FMNL2: variants seen among roughly 807,000 people sequenced by gnomAD.
FMNL2 encodes the protein formin like 2.
FMNL2 carries 51 observed loss-of-function variants against 130.2 expected under a neutral mutation model. The observed-to-expected ratio is 0.39, with a 90% CI of 0.31 to 0.49. The LOEUF (loss-of-function observed/expected upper bound fraction) is 0.49. FMNL2 is among the 20% of genes least tolerant of loss of function. The pLI is 0.85. For synonymous variants in FMNL2, 465 were observed against 467.1 expected, an observed-to-expected ratio of 1.00 and a Z score of 0.06; for missense variants, 977 against 1,316.2, an observed-to-expected ratio of 0.74 and a Z score of 3.99.
intron 1 of FMNL2, among the ~76,000 whole-genome samples, chr2:152,506,900 G>A (rs4146259): frequency 0.46 from 70,240 of 152,058 alleles, 17,105 homozygotes; most frequent in East Asian, 0.72. Flanking sequence ...GTGTAGCTAT[G>A]GGGCACTGCA....
chr2:152,464,475 CT>C (rs1338887473), intron 1 of FMNL2, among the ~76,000 whole-genome samples: 1 of 152,210 alleles, frequency 6.6e-6, no homozygotes, highest in African/African-American at 2.4e-5. Context: ...ATGTACCCCC[CT>C]GATGGACTGA....
chr2:152,478,531 C>T (rs921985900), intron 1 of FMNL2, among the ~76,000 whole-genome samples: 1 of 151,914 alleles, frequency 6.6e-6, no homozygotes, highest in Admixed American at 6.6e-5. Flanking sequence ...CTACTGTGCC[C>T]GGCCTGAAAA....
At chr2:152,498,081 A>G (rs769272160) in intron 1 of FMNL2, among the ~76,000 whole-genome samples, 1 of 152,194 alleles carries the variant, frequency 6.6e-6, no homozygotes, top group African/African-American at 2.4e-5. Context: ...CCCACCCAGG[A>G]TAATCCCCTT....
At chr2:152,582,974 A>AT (rs1558982463) in intron 9 of FMNL2, among the ~76,000 whole-genome samples, 1 of 152,120 alleles carries the variant, frequency 6.6e-6, no homozygotes, top group Non-Finnish European at 1.5e-5. Flanking sequence ...GAATGATAAT[A>AT]TTTTTTTCTC....
intron 1 of FMNL2, among the ~76,000 whole-genome samples, chr2:152,518,381 G>C (rs1427160453): frequency 6.6e-6 from 1 of 152,196 alleles, no homozygotes; most frequent in Non-Finnish European, 1.5e-5. Context: ...ATGTATTGAT[G>C]TTGCACTGCT....
chr2:152,347,608 G>C (rs1489375065), intron 1 of FMNL2, among the ~76,000 whole-genome samples: 1 of 151,960 alleles, frequency 6.6e-6, no homozygotes, highest in Non-Finnish European at 1.5e-5. Flanking sequence ...GGATATGTAG[G>C]TACAAAATTT....
chr2:152,488,664 A>T (rs1037550855), intron 1 of FMNL2, among the ~76,000 whole-genome samples: 1 of 152,330 alleles, frequency 6.6e-6, no homozygotes, highest in South Asian at 2.1e-4. Context: ...ACACATATAT[A>T]TTTAAAATCA....
At chr2:152,637,153 AG>A (rs925606654) in intron 22 of FMNL2, among the ~76,000 whole-genome samples, 10 of 152,318 alleles carry the variant, frequency 6.6e-5, no homozygotes, top group South Asian at 2.1e-4. Context: ...AGGCTGTCAT[AG>A]GGAGTGTTGA....
intron 1 of FMNL2, among the ~76,000 whole-genome samples, chr2:152,500,405 A>G (rs553307055): frequency 6.6e-6 from 1 of 152,292 alleles, no homozygotes; most frequent in African/African-American, 2.4e-5. Context: ...GCCCCCCAGC[A>G]CCTGATTAAT....
intron 1 of FMNL2, among the ~76,000 whole-genome samples, chr2:152,365,493 C>T (rs568959767): frequency 5.9e-5 from 9 of 152,190 alleles, no homozygotes; most frequent in South Asian, 4.2e-4. Context: ...CTGCCATGAC[C>T]GGGCGTGGTG....
intron 1 of FMNL2, among the ~76,000 whole-genome samples, chr2:152,413,233 G>A (rs890895268): frequency 6.6e-5 from 10 of 152,028 alleles, no homozygotes; most frequent in Admixed American, 5.9e-4. Flanking sequence ...AGAAATTAGT[G>A]TATTTATTCA....
At chr2:152,337,979 T>C (rs1416123358) in intron 1 of FMNL2, among the ~76,000 whole-genome samples, 1 of 151,496 alleles carries the variant, frequency 6.6e-6, no homozygotes, top group African/African-American at 2.4e-5. Context: ...CCAGATCATC[T>C]CCGTGGGCCA....
chr2:152,482,211 A>G lies in FMNL2; in HGVS notation c.118-39732A>G, dbSNP rs115153279. The stretch of plus-strand genomic sequence containing the variant: ...AGAAATACAAAGCCTTAGCATGTGT[A>G]CTTAAATTAAAAAATACTTAAGTCT... On this transcript the variant is annotated intron_variant, in intron 1 of 25. Transcript: ENST00000288670. Among the ~76,000 whole-genome samples, 1,392 of 152,340 alleles carry G rather than the reference A, an allele frequency of 9.1e-3. 26 individuals are homozygous for G. The highest frequency in any genetic ancestry group is 0.032 in the African/African-American group (1,310 of 41,568).
chr2:152,431,900 G>T (rs1687508971), intron 1 of FMNL2, among the ~76,000 whole-genome samples: 1 of 145,500 alleles, frequency 6.9e-6, no homozygotes, highest in African/African-American at 2.6e-5. Context: ...AGAGGTCAAG[G>T]CTGCAGTGAG....
chr2:152,465,454 A>G (rs981932200), intron 1 of FMNL2, among the ~76,000 whole-genome samples: 1 of 152,250 alleles, frequency 6.6e-6, no homozygotes, highest in African/African-American at 2.4e-5. Context: ...GGACAAAGGC[A>G]CAGGGAAGGA....
At chr2:152,601,220 C>G (rs1048105069) in intron 9 of FMNL2, among the ~76,000 whole-genome samples, 3 of 152,116 alleles carry the variant, frequency 2.0e-5, no homozygotes. Flanking sequence ...CCCCTTACTC[C>G]CAAAGCTCTG....
At chr2:152,638,469 T>C (rs1482312693) in intron 23 of FMNL2, among the ~76,000 whole-genome samples, 1 of 152,160 alleles carries the variant, frequency 6.6e-6, no homozygotes, top group Non-Finnish European at 1.5e-5. Flanking sequence ...TTTTGAGAAG[T>C]CCTGTTGGAA....
intron 1 of FMNL2, among the ~76,000 whole-genome samples, chr2:152,352,410 A>C (rs1682546391): frequency 6.6e-6 from 1 of 152,218 alleles, no homozygotes; most frequent in African/African-American, 2.4e-5. Context: ...GTAGGTAATA[A>C]AGCTGAAAAT....
In FMNL2 at chr2:152,628,914, T is replaced by G. The variant is rs528197254; in HGVS notation, c.2400+381T>G. 2.0e-5 allele frequency among the ~76,000 whole-genome samples: 3 copies of G among 152,356 alleles called. No homozygotes were observed. In the East Asian group the frequency reaches 5.8e-4, roughly 29 times the overall value. On this transcript the variant is annotated intron_variant, in intron 18 of 25. Transcript: ENST00000288670. ...AATAAGACTTTCATTTCTAAAAATG[T>G]TGCCTCATCTTTAGTGAGCAGACTT...
Sources: allele counts gnomAD v4.1 joint callset (sites outside exome capture counted in the v4.1 genomes callset), GRCh38; gene constraint gnomAD v4.1.1; transcripts MANE v1.5; gene names NCBI Gene and HGNC (gene_info 2026-07-23, HGNC 2026-07-21).